Variants in CNTN4 observed in about 807,000 individuals in gnomAD.
CNTN4 encodes contactin-4.
In CNTN4, 77 loss-of-function variants were observed where a neutral mutation model predicts 122.5. The observed-to-expected ratio is 0.63, with a 90% CI of 0.52 to 0.76. The LOEUF (loss-of-function observed/expected upper bound fraction) is 0.76, where lower values mean the gene tolerates loss of function less well. Among genes scored for constraint, CNTN4 ranks in the 30% least tolerant of loss-of-function variants. CNTN4 has a pLI of 0.00. For synonymous variants in CNTN4, 512 were observed against 447.0 expected, an observed-to-expected ratio of 1.15 and a Z score of -1.83; for missense variants, 1,256 against 1,259.1, an observed-to-expected ratio of 1.00 and a Z score of 0.04.
intron 14 of CNTN4, among the ~76,000 whole-genome samples, chr3:3,000,538 A>G (rs1695932214): frequency 6.6e-6 from 1 of 152,264 alleles, no homozygotes; most frequent in Admixed American, 6.5e-5. Context: ...GAAAATTTTC[A>G]AACAATTAGG....
chr3:2,377,843 C>G (rs1418625885), intron 3 of CNTN4, among the ~76,000 whole-genome samples: 2 of 151,976 alleles, frequency 1.3e-5, no homozygotes, highest in Admixed American at 6.6e-5. Context: ...GACAATTCCT[C>G]TTCGTCCAGT....
chr3:2,671,937 C>T (rs1263656029), intron 4 of CNTN4, among the ~76,000 whole-genome samples: 1 of 152,166 alleles, frequency 6.6e-6, no homozygotes, highest in East Asian at 1.9e-4. Context: ...GCAAATATTG[C>T]TGAACAGCAA....
In CNTN4 at chr3:2,916,729, C is replaced by T. The variant is rs1045897371; in HGVS notation, c.1208-8900C>T. 9.7e-5 allele frequency among the ~76,000 whole-genome samples: 14 copies of T among 144,270 alleles called. 1 individual carries two copies. Among genetic ancestry groups the T allele is most frequent in the African/African-American group, 2.7e-4 (10 of 36,560 alleles). The allele number at this position is 144,270 out of a possible 152,430, so 94.6% of individuals were successfully genotyped here. On this transcript the variant is annotated intron_variant, in intron 12 of 24. Coordinates refer to ENST00000418658, the MANE Select transcript of CNTN4 (RefSeq NM_175607.3). ...TGAGCTGTTGGGTACACCTCCCAGA[C>T]GGGGTGGCGGCCGGGCAGAGGGGCT...
At chr3:2,890,137 C>T (rs939307736) in intron 10 of CNTN4, among the ~76,000 whole-genome samples, 2 of 152,202 alleles carry the variant, frequency 1.3e-5, no homozygotes, top group African/African-American at 4.8e-5. Flanking sequence ...CAGCACTTGG[C>T]TATTGCATTT....
intron 10 of CNTN4, among the ~76,000 whole-genome samples, chr3:2,893,553 T>C (rs966943947): frequency 6.6e-6 from 1 of 152,200 alleles, no homozygotes; most frequent in Non-Finnish European, 1.5e-5. Context: ...CAATAAAGTA[T>C]GTTGCTACAG....
chr3:2,120,188 T>C (rs577159691), intron 2 of CNTN4, among the ~76,000 whole-genome samples: 1 of 151,674 alleles, frequency 6.6e-6, no homozygotes, highest in East Asian at 1.9e-4. Context: ...AAGGGGGCTC[T>C]AAATAGAATC....
At chr3:2,825,983 A>G (rs1374541520) in intron 7 of CNTN4, among the ~76,000 whole-genome samples, 1 of 152,180 alleles carries the variant, frequency 6.6e-6, no homozygotes, top group South Asian at 2.1e-4. Context: ...TATAGTGTTT[A>G]TAGTGCTTTA....
intron 23 of CNTN4, 87 bp downstream of exon 23, chr3:3,043,791 T>G (rs1410768711): frequency 1.2e-6 from 1 of 868,810 alleles, no homozygotes; most frequent in Non-Finnish European, 1.9e-6. Flanking sequence ...GTCTGCATTG[T>G]CAGTTTCCCT....
At chr3:2,430,722 C>T (rs2151196609) in intron 3 of CNTN4, among the ~76,000 whole-genome samples, 1 of 151,540 alleles carries the variant, frequency 6.6e-6, no homozygotes, top group Admixed American at 6.6e-5. Context: ...GGAGAATATC[C>T]TAATCAGTTT....
At chr3:2,780,219 A>G (rs190234849) in intron 6 of CNTN4, among the ~76,000 whole-genome samples, 9 of 152,314 alleles carry the variant, frequency 5.9e-5, no homozygotes, top group African/African-American at 2.2e-4. Flanking sequence ...AGTATTTCCA[A>G]TTTAGCTGTA....
intron 3 of CNTN4, among the ~76,000 whole-genome samples, chr3:2,458,046 A>G (rs566790158): frequency 5.9e-5 from 9 of 152,272 alleles, no homozygotes; most frequent in African/African-American, 2.2e-4. Context: ...GTGGAACCAC[A>G]GCTTCATTTG....
intron 4 of CNTN4, among the ~76,000 whole-genome samples, chr3:2,703,204 C>T (rs73112598): frequency 0.041 from 6,295 of 152,148 alleles, 196 homozygotes; most frequent in Admixed American, 0.073. Flanking sequence ...AGTAGTCTCC[C>T]CTTCATATTT....
At chr3:2,863,616 T>G (rs1414393254) in intron 7 of CNTN4, among the ~76,000 whole-genome samples, 4 of 152,150 alleles carry the variant, frequency 2.6e-5, no homozygotes, top group Non-Finnish European at 5.9e-5. Context: ...TCCGTATATT[T>G]TACTTATTGT....
intron 2 of CNTN4, among the ~76,000 whole-genome samples, chr3:2,184,327 G>C (rs2037152219): frequency 6.6e-6 from 1 of 152,052 alleles, no homozygotes; most frequent in Admixed American, 6.6e-5. Context: ...AGGAAGGGAT[G>C]AAGGAGGACT....
At chr3:2,263,504 T>C (rs6787438) in intron 2 of CNTN4, among the ~76,000 whole-genome samples, 17,574 of 152,156 alleles carry the variant, frequency 0.12, 1,159 homozygotes, top group Middle Eastern at 0.16. Flanking sequence ...TAAATTGATA[T>C]ATAATAGTTT....
intron 6 of CNTN4, among the ~76,000 whole-genome samples, chr3:2,798,291 G>GTA (rs759002621): frequency 1.6e-4 from 16 of 100,116 alleles, no homozygotes; most frequent in African/African-American, 5.2e-4. Context: ...GTGTGTGTGT[G>GTA]TGTATATATA....
At chr3:2,741,282 A>T (rs1235237401) in intron 5 of CNTN4, among the ~76,000 whole-genome samples, 1 of 152,230 alleles carries the variant, frequency 6.6e-6, no homozygotes, top group African/African-American at 2.4e-5. Flanking sequence ...ATTCTGGAGG[A>T]AAGAAAGTCT....
At chr3:2,671,021 T>G (rs1161071562) in intron 4 of CNTN4, among the ~76,000 whole-genome samples, 13 of 152,218 alleles carry the variant, frequency 8.5e-5, no homozygotes, top group African/African-American at 1.9e-4. Flanking sequence ...TGTCTGCCCT[T>G]AACATTTTTT....
chr3:3,053,817 G>A lies in CNTN4; in HGVS notation c.2822G>A (p.Arg941Lys), dbSNP rs774692476. Residue 941 changes from arginine (R) to lysine (K), a missense_variant, in exon 24 of 25, where the codon AGA becomes AAA. By Grantham distance (26) the Arg-to-Lys change is conservative (BLOSUM62 2). Coordinates refer to ENST00000418658, the MANE Select transcript of CNTN4 (RefSeq NM_175607.3). ...SEVKGYKVLY[R>K]WNRQSSTSVI... Reference sequence around the variant, plus strand: ...TTTCTGTATTGGCAGGTCTTGTACAGATGGAACAGACAAAGCAGCACATCT... The same window carrying A: ...TTTCTGTATTGGCAGGTCTTGTACAAATGGAACAGACAAAGCAGCACATCT... 6.2e-7 allele frequency: 1 copy of A among 1,614,206 alleles called. No homozygotes were observed. Among genetic ancestry groups the A allele is most frequent in the South Asian group, 1.1e-5 (1 of 91,084 alleles).
Sources: gnomAD v4.1 joint callset for allele counts (sites outside exome capture counted in the v4.1 genomes callset) on GRCh38, gnomAD v4.1.1 for gene constraint, MANE v1.5 for transcripts, NCBI Gene and HGNC (gene_info 2026-07-23, HGNC 2026-07-21) for gene names.